The following STAU2 variants were observed in gnomAD, a reference collection of about 807,000 sequenced individuals.
STAU2 encodes the protein double-stranded RNA-binding protein Staufen homolog 2.
Under a neutral mutation model 65.9 loss-of-function variants are expected in STAU2, and 20 were observed. That is an observed-to-expected ratio of 0.30 (90% confidence interval 0.21 to 0.44). The LOEUF (loss-of-function observed/expected upper bound fraction) is 0.44, where lower values mean the gene tolerates loss of function less well. Among genes scored for constraint, STAU2 ranks in the 20% least tolerant of loss-of-function variants. The pLI is 1.00. For synonymous variants in STAU2, 232 were observed against 233.9 expected (o/e 0.99, Z 0.07); for missense variants, 558 against 683.9 (o/e 0.82, Z 2.05).
At chr8:73,693,735 C>A (rs973722167) in intron 4 of STAU2, among the ~76,000 whole-genome samples, 2 of 152,244 alleles carry the variant, frequency 1.3e-5, no homozygotes, top group African/African-American at 4.8e-5. Flanking sequence ...TGGAGACACA[C>A]TGTTTATGAA....
intron 13 of STAU2, among the ~76,000 whole-genome samples, chr8:73,524,181 A>G (rs561333006): frequency 1.7e-4 from 26 of 152,324 alleles, no homozygotes; most frequent in African/African-American, 6.0e-4. Context: ...GGTGGTGAGA[A>G]GCAGTCAGGT....
intron 1 of STAU2, among the ~76,000 whole-genome samples, chr8:73,745,465 C>G (rs915740522): frequency 5.3e-5 from 8 of 152,360 alleles, no homozygotes; most frequent in African/African-American, 1.7e-4. Context: ...AGGTTACTAT[C>G]ACCCTGCCTG....
intron 5 of STAU2, among the ~76,000 whole-genome samples, chr8:73,677,142 G>C (rs891362142): frequency 2.6e-5 from 4 of 152,154 alleles, no homozygotes; most frequent in African/African-American, 9.7e-5. Flanking sequence ...ACCTGCATTT[G>C]TTATTAGAGA....
At chr8:73,482,587 TA>T (rs1820691054) in intron 13 of STAU2, among the ~76,000 whole-genome samples, 2 of 152,154 alleles carry the variant, frequency 1.3e-5, no homozygotes, top group Non-Finnish European at 2.9e-5. Context: ...GCCCTGCATT[TA>T]ACATAGACCA....
intron 12 of STAU2, among the ~76,000 whole-genome samples, chr8:73,576,654 A>G (rs758191052): frequency 1.3e-5 from 2 of 152,200 alleles, no homozygotes; most frequent in Non-Finnish European, 2.9e-5. Context: ...CATAAGTTAT[A>G]TAAGTGTTAA....
At chr8:73,590,139 A>C (rs889301004) in intron 11 of STAU2, among the ~76,000 whole-genome samples, 1 of 131,788 alleles carries the variant, frequency 7.6e-6, no homozygotes, top group Non-Finnish European at 1.6e-5. Flanking sequence ...AGAAATGAGA[A>C]GAAGGAAGGA....
intron 1 of STAU2, among the ~76,000 whole-genome samples, chr8:73,745,767 G>C (rs1000209186): frequency 6.6e-6 from 1 of 152,118 alleles, no homozygotes; most frequent in Non-Finnish European, 1.5e-5. Flanking sequence ...ATGGGGGTAA[G>C]GGGACATCAC....
At chr8:73,523,825 C>T (rs955904540) in intron 13 of STAU2, among the ~76,000 whole-genome samples, 11 of 152,042 alleles carry the variant, frequency 7.2e-5, no homozygotes, top group Admixed American at 2.0e-4. Flanking sequence ...AGTTTGTGTG[C>T]CATAGCTAAA....
At chr8:73,675,426 A>C (rs1296695740) in intron 5 of STAU2, 1 of 151,776 alleles carries the variant, frequency 6.6e-6, no homozygotes, top group African/African-American at 2.4e-5. Flanking sequence ...CTCCTCAGAA[A>C]ATACTTATTA....
chr8:73,426,551 A>C (rs1326099590), intron 13 of STAU2, among the ~76,000 whole-genome samples: 3 of 152,200 alleles, frequency 2.0e-5, no homozygotes, highest in Non-Finnish European at 4.4e-5. Flanking sequence ...CACATGAGCA[A>C]GAACAAGTGG....
Position 73,484,830 on chromosome 8 carries a change from A to G in STAU2, c.1531-62128T>C, listed in dbSNP as rs201570750. On this transcript the variant is annotated intron_variant, in intron 13 of 14. Coordinates refer to ENST00000524300, the MANE Select transcript of STAU2 (RefSeq NM_001164380.2). ...CTCAGATGTGAGCACACTAGAGGTT[A>G]GTTCAAATTACGTACAAAGGTTTCT... Among the ~76,000 whole-genome samples the G allele has an allele frequency of 7.2e-5, 11 of 152,232 alleles. No individual in the cohort carries two copies. In the East Asian group the frequency reaches 2.1e-3, roughly 29 times the overall value.
At chr8:73,462,835 T>C (rs1389935538) in intron 13 of STAU2, among the ~76,000 whole-genome samples, 3 of 152,158 alleles carry the variant, frequency 2.0e-5, no homozygotes, top group South Asian at 4.1e-4. Flanking sequence ...ATATCTAGTA[T>C]TAAAAAAAGA....
intron 13 of STAU2, among the ~76,000 whole-genome samples, chr8:73,537,390 A>G (rs1806250507): frequency 6.6e-6 from 1 of 152,150 alleles, no homozygotes; most frequent in African/African-American, 2.4e-5. Flanking sequence ...GAAGCTGGGT[A>G]AGCCCCAACA....
rs10106808 is a variant in STAU2 at position 73,689,632 on chromosome 8, C to T, written c.115-819G>A. Among the ~76,000 whole-genome samples the T allele has an allele frequency of 8.3e-3, 1,269 of 152,218 alleles. 18 individuals carry two copies. Among genetic ancestry groups the T allele is most frequent in the African/African-American group, 0.026 (1,099 of 41,512 alleles). ...TATGAGCCCCCAAACCTATTCTTCA[C>T]CTTTAAAATTCAGAATCAAGTTACA... is the stretch of plus-strand genomic sequence containing the variant. On this transcript the variant is annotated intron_variant, in intron 4 of 14. Coordinates refer to ENST00000524300, the MANE Select transcript of STAU2 (RefSeq NM_001164380.2).
chr8:73,628,070 T>A (rs930934109), intron 6 of STAU2, among the ~76,000 whole-genome samples: 6 of 150,082 alleles, frequency 4.0e-5, no homozygotes, highest in Non-Finnish European at 7.4e-5. Context: ...CAATTTTTTT[T>A]AAAATGTAAG....
chr8:73,615,914 C>T, intron 7 of STAU2, 132 bp from the exon 8 acceptor site: 1 of 614,078 alleles, frequency 1.6e-6, no homozygotes, highest in Admixed American at 3.0e-5. Context: ...CTGCTGCATT[C>T]TCCTGTAACC....
intron 5 of STAU2, among the ~76,000 whole-genome samples, chr8:73,678,057 C>A (rs1248798950): frequency 6.6e-6 from 1 of 152,164 alleles, no homozygotes; most frequent in Non-Finnish European, 1.5e-5. Flanking sequence ...CCAAATGCCA[C>A]TCTCAACACT....
chr8:73,657,026 A>T (rs1816430331), intron 6 of STAU2, among the ~76,000 whole-genome samples: 1 of 152,240 alleles, frequency 6.6e-6, no homozygotes, highest in South Asian at 2.1e-4. Context: ...AGTGATATAT[A>T]ACAGTTATGA....
chr8:73,454,546 G>A (rs2128896389), intron 13 of STAU2, among the ~76,000 whole-genome samples: 1 of 152,244 alleles, frequency 6.6e-6, no homozygotes, highest in East Asian at 1.9e-4. Context: ...ACAGACAAGG[G>A]TAGTGAAGAT....
Sources: allele counts gnomAD v4.1 joint callset (sites outside exome capture counted in the v4.1 genomes callset), GRCh38; gene constraint gnomAD v4.1.1; transcripts MANE v1.5; gene names NCBI Gene and HGNC (gene_info 2026-07-23, HGNC 2026-07-21).